The following ATF6 variants were observed in gnomAD, a reference collection of about 807,000 sequenced individuals.
ATF6 encodes the protein cyclic AMP-dependent transcription factor ATF-6 alpha.
In ATF6, 53 loss-of-function variants were observed where a neutral mutation model predicts 83.6. That is an observed-to-expected ratio of 0.63 (90% CI 0.51 to 0.80). The LOEUF is 0.80. Ranked by LOEUF, ATF6 falls within the 30% of genes least tolerant of loss-of-function variation. The probability of loss-of-function intolerance (pLI) is 0.00; values close to 1 mark genes in which losing one functional copy is unlikely to be tolerated. For missense variants in ATF6, 744 were observed against 797.9 expected, an observed-to-expected ratio of 0.93 and a Z score of 0.81; for synonymous variants, 288 against 285.8, an observed-to-expected ratio of 1.01 and a Z score of -0.08.
At chr1:161,874,739 A>G (rs1162351731) in intron 14 of ATF6, among the ~76,000 whole-genome samples, 1 of 151,726 alleles carries the variant, frequency 6.6e-6, no homozygotes, top group Non-Finnish European at 1.5e-5. Context: ...CTATTCTAGT[A>G]GAGGTAGGAG....
At chr1:161,833,632 G>C (rs184287818) in intron 9 of ATF6, among the ~76,000 whole-genome samples, 80 of 152,284 alleles carry the variant, frequency 5.3e-4, no homozygotes, top group African/African-American at 1.8e-3. Context: ...TAACCAATGC[G>C]ATCAACTGGA....
chr1:161,891,434 C>T (rs973411737), intron 14 of ATF6: 3 of 152,232 alleles, frequency 2.0e-5, no homozygotes, highest in South Asian at 4.2e-4. Context: ...GCACAGCGGC[C>T]TCCTCTCTAT....
At chr1:161,796,860 A>G (rs1685032195) in intron 6 of ATF6, among the ~76,000 whole-genome samples, 1 of 150,022 alleles carries the variant, frequency 6.7e-6, no homozygotes, top group African/African-American at 2.4e-5. Context: ...GATGCCTTTT[A>G]TTTCTTTCTT....
At chr1:161,952,428 C>G (rs1688883560) in intron 15 of ATF6, among the ~76,000 whole-genome samples, 1 of 152,056 alleles carries the variant, frequency 6.6e-6, no homozygotes, top group Non-Finnish European at 1.5e-5. Context: ...TCACCCCACA[C>G]TCAATCCCTA....
intron 2 of ATF6, 63 bp downstream of exon 2, chr1:161,778,383 A>G (rs878976054): frequency 2.3e-6 from 3 of 1,332,750 alleles, no homozygotes; most frequent in East Asian, 2.3e-5. Context: ...ATTGCAAGAA[A>G]GTTTCAGGAC....
chr1:161,811,480 C>T (rs999737269), intron 7 of ATF6, among the ~76,000 whole-genome samples: 1 of 152,006 alleles, frequency 6.6e-6, no homozygotes, highest in African/African-American at 2.4e-5. Flanking sequence ...TGTGTGTGTG[C>T]TGACACATGT....
chr1:161,855,456 T>C (rs574397559), intron 12 of ATF6, among the ~76,000 whole-genome samples: 1 of 152,278 alleles, frequency 6.6e-6, no homozygotes, highest in African/African-American at 2.4e-5. Context: ...ATGTTAAGTT[T>C]GTTATGGCTA....
intron 6 of ATF6, among the ~76,000 whole-genome samples, chr1:161,796,611 A>G (rs1174511993): frequency 1.3e-5 from 2 of 152,166 alleles, no homozygotes; most frequent in Admixed American, 1.3e-4. Flanking sequence ...TCTGACTAAT[A>G]AACTCCAAGT....
chr1:161,908,162 G>A (rs1687914899), intron 14 of ATF6, among the ~76,000 whole-genome samples: 1 of 152,160 alleles, frequency 6.6e-6, no homozygotes, highest in Non-Finnish European at 1.5e-5. Flanking sequence ...GAGTTTTATA[G>A]GGGGAATGGG....
intron 14 of ATF6, among the ~76,000 whole-genome samples, chr1:161,899,425 A>G (rs760237571): frequency 3.9e-5 from 6 of 152,220 alleles, no homozygotes; most frequent in Non-Finnish European, 7.3e-5. Flanking sequence ...GTATATCAGA[A>G]TGAAGAATCC....
At chr1:161,827,833 G>GA (rs887529986) in intron 9 of ATF6, among the ~76,000 whole-genome samples, 7 of 150,698 alleles carry the variant, frequency 4.6e-5, no homozygotes, top group East Asian at 2.0e-4. Context: ...CGTCACACAG[G>GA]AAAAAAAAAT....
chr1:161,874,074 G>A (rs2101851061), intron 14 of ATF6, among the ~76,000 whole-genome samples: 1 of 151,710 alleles, frequency 6.6e-6, no homozygotes, highest in South Asian at 2.1e-4. Flanking sequence ...GAATTCAAAT[G>A]CATTTTTAAA....
At chr1:161,889,444 C>T (rs1318840120) in intron 14 of ATF6, among the ~76,000 whole-genome samples, 2 of 152,226 alleles carry the variant, frequency 1.3e-5, no homozygotes, top group African/African-American at 4.8e-5. Context: ...TAAGCACACT[C>T]TCAGAGTCAG....
chr1:161,927,008 C>G (rs908315260), intron 15 of ATF6, among the ~76,000 whole-genome samples: 1 of 152,000 alleles, frequency 6.6e-6, no homozygotes, highest in African/African-American at 2.4e-5. Flanking sequence ...GCTTTATATT[C>G]AGCGCATAGC....
intron 4 of ATF6, 86 bp from the exon 5 acceptor site, chr1:161,791,322 C>T (rs1571133574): frequency 1.7e-6 from 2 of 1,175,192 alleles, no homozygotes; most frequent in Non-Finnish European, 2.3e-6. Context: ...AAGTGTTTTT[C>T]TGTTTATATG....
At chr1:161,840,320 A>G (rs1686324907) in intron 9 of ATF6, 1 of 152,192 alleles carries the variant, frequency 6.6e-6, no homozygotes, top group African/African-American at 2.4e-5. Flanking sequence ...CCACTATTTC[A>G]CATTAAAACC....
At chr1:161,815,836 A>T (rs1236518727) in intron 7 of ATF6, among the ~76,000 whole-genome samples, 2 of 152,146 alleles carry the variant, frequency 1.3e-5, no homozygotes, top group Admixed American at 6.6e-5. Context: ...GCTACTGGGG[A>T]GCCTGAGGCT....
chr1:161,772,169 A>G (rs952853870), intron 1 of ATF6, among the ~76,000 whole-genome samples: 9 of 152,240 alleles, frequency 5.9e-5, no homozygotes, highest in African/African-American at 2.2e-4. Flanking sequence ...CAGTTTAAAT[A>G]CCATGGACAG....
chr1:161,863,241 A>G lies in ATF6; in HGVS notation c.1648A>G (p.Arg550Gly), dbSNP rs779953793. 69 of 1,613,188 alleles carry G rather than the reference A, an allele frequency of 4.3e-5. No homozygotes were observed. The highest frequency in any genetic ancestry group is 1.7e-4 in the Admixed American group (10 of 60,000). Residue 550 changes from arginine (R) to glycine (G), a missense_variant, in exon 14 of 16, where the codon AGA becomes GGA. Coordinates refer to ENST00000367942, the MANE Select transcript of ATF6 (RefSeq NM_007348.4). ...SELQVYYASP[R>G]SYQDFFEAIR... The stretch of plus-strand genomic sequence containing the variant: ...GCTACAAGTGTATTATGCTTCACCC[A>G]GAAGTTATCAAGACTTTTTTGAAGC...
Sources: gnomAD v4.1 joint callset for allele counts (sites outside exome capture counted in the v4.1 genomes callset) on GRCh38, gnomAD v4.1.1 for gene constraint, MANE v1.5 for transcripts, NCBI Gene and HGNC (gene_info 2026-07-23, HGNC 2026-07-21) for gene names.